IQCM: variants seen among roughly 807,000 people sequenced by gnomAD.
IQCM encodes the protein IQ domain-containing protein M.
A neutral mutation model predicts 57.6 loss-of-function variants in IQCM; 45 were observed. That is an observed-to-expected ratio of 0.78 (90% CI 0.62 to 1.00). The LOEUF (loss-of-function observed/expected upper bound fraction) is 1.00. IQCM is among the 50% of genes least tolerant of loss of function. The probability of loss-of-function intolerance (pLI) is 0.00; values close to 1 mark genes in which losing one functional copy is unlikely to be tolerated. For synonymous variants in IQCM, 148 were observed against 158.9 expected (o/e 0.93, Z 0.51); for missense variants, 468 against 511.6 (o/e 0.91, Z 0.82).
At chr4:149,523,408 A>C (rs561440193) in intron 12 of IQCM, among the ~76,000 whole-genome samples, 1 of 152,368 alleles carries the variant, frequency 6.6e-6, no homozygotes, top group Non-Finnish European at 1.5e-5. Context: ...TCAGGTTGTC[A>C]GGAGAAAGGA....
chr4:149,774,181 C>T (rs1488946558), intron 2 of IQCM, among the ~76,000 whole-genome samples: 1 of 151,754 alleles, frequency 6.6e-6, no homozygotes, highest in Non-Finnish European at 1.5e-5. Flanking sequence ...ACTACATTGA[C>T]CAGGTAAAAA....
At chr4:149,625,062 T>C (rs925859010) in intron 7 of IQCM, among the ~76,000 whole-genome samples, 10 of 152,202 alleles carry the variant, frequency 6.6e-5, no homozygotes, top group African/African-American at 1.2e-4. Flanking sequence ...CAGTTCCTAG[T>C]TTGATTATCT....
At chr4:149,804,997 AG>A (rs1385343347) in intron 2 of IQCM, among the ~76,000 whole-genome samples, 1 of 152,066 alleles carries the variant, frequency 6.6e-6, no homozygotes, top group Non-Finnish European at 1.5e-5. Context: ...TGATGGGAGA[AG>A]TATTCACATT....
chr4:149,675,141 T>A (rs1761642833), intron 7 of IQCM, among the ~76,000 whole-genome samples: 1 of 151,974 alleles, frequency 6.6e-6, no homozygotes, highest in African/African-American at 2.4e-5. Context: ...AAATATGATA[T>A]CTATCCAAGA....
chr4:149,641,224 G>C (rs1483593476), intron 7 of IQCM, among the ~76,000 whole-genome samples: 1 of 152,016 alleles, frequency 6.6e-6, no homozygotes, highest in Non-Finnish European at 1.5e-5. Context: ...TAACAAAAAG[G>C]TAAAACAATT....
chr4:149,748,944 G>A (rs1237428299), intron 2 of IQCM, among the ~76,000 whole-genome samples: 1 of 152,040 alleles, frequency 6.6e-6, no homozygotes, highest in Admixed American at 6.6e-5. Context: ...TATAAAAATA[G>A]GCAACAAAAT....
intron 3 of IQCM, chr4:149,737,814 A>G (rs1255610941): frequency 6.6e-6 from 1 of 152,184 alleles, no homozygotes; most frequent in Non-Finnish European, 1.5e-5. Flanking sequence ...CCAGCAAGCT[A>G]TTCCTAGGTG....
intron 12 of IQCM, among the ~76,000 whole-genome samples, chr4:149,465,129 A>G (rs1258474226): frequency 6.6e-6 from 1 of 152,224 alleles, no homozygotes; most frequent in African/African-American, 2.4e-5. Context: ...GTCAAGAAAA[A>G]TGATATTTAG....
At chr4:149,442,217 A>G (rs1736011969) in intron 12 of IQCM, among the ~76,000 whole-genome samples, 1 of 152,098 alleles carries the variant, frequency 6.6e-6, no homozygotes, top group Non-Finnish European at 1.5e-5. Context: ...CTGAGGTATC[A>G]GCAAAAGGTT....
At chr4:149,700,898 T>A (rs1763717254) in intron 5 of IQCM, among the ~76,000 whole-genome samples, 1 of 152,028 alleles carries the variant, frequency 6.6e-6, no homozygotes, top group Non-Finnish European at 1.5e-5. Context: ...AAAAGAAACA[T>A]AAAATCATCG....
intron 7 of IQCM, among the ~76,000 whole-genome samples, chr4:149,661,392 C>T (rs1422845317): frequency 6.6e-6 from 1 of 152,062 alleles, no homozygotes; most frequent in Non-Finnish European, 1.5e-5. Flanking sequence ...CATCTATGTT[C>T]GTCAAGGATA....
chr4:149,588,148 A>G (rs747433114), intron 8 of IQCM, among the ~76,000 whole-genome samples, 151 bp from the exon 9 acceptor site: 4 of 151,810 alleles, frequency 2.6e-5, no homozygotes, highest in Non-Finnish European at 4.4e-5. Flanking sequence ...ATTTTTTAGT[A>G]TACTCAGAGG....
chr4:149,560,129 C>T (rs1195384995), intron 10 of IQCM, among the ~76,000 whole-genome samples: 3 of 152,292 alleles, frequency 2.0e-5, no homozygotes, highest in South Asian at 4.1e-4. Flanking sequence ...GTCCTATAGG[C>T]TTCATGAATA....
At chr4:149,367,984 T>G (rs1165945760) in intron 13 of IQCM, among the ~76,000 whole-genome samples, 1 of 152,050 alleles carries the variant, frequency 6.6e-6, no homozygotes, top group Non-Finnish European at 1.5e-5. Flanking sequence ...TGCTATTAGA[T>G]TGTGTCCTTG....
intron 13 of IQCM, among the ~76,000 whole-genome samples, chr4:149,395,866 C>T (rs886889609): frequency 6.6e-6 from 1 of 151,910 alleles, no homozygotes; most frequent in African/African-American, 2.4e-5. Context: ...TATGTTATTT[C>T]TTCAGCTTTC....
chr4:149,553,196 G>C lies in IQCM; in HGVS notation c.1040C>G (p.Thr347Arg). Residue 347 changes from threonine (T) to arginine (R), a missense_variant, in exon 11 of 14, where the codon ACA (threonine) becomes AGA (arginine). Transcript: ENST00000636793. ...RVRYRRGLWRTRQILNLAELE... is the reference protein window; with the variant it reads ...RVRYRRGLWRRRQILNLAELE... ...CTCTGCTAAGTTGAGAATTTGTCTTGTCCTCCAAAGACCACGTCGATATCT... is the reference window on the plus strand; with the variant it reads ...CTCTGCTAAGTTGAGAATTTGTCTTCTCCTCCAAAGACCACGTCGATATCT... The C allele has an allele frequency of 8.1e-7, 1 of 1,231,862 alleles. No homozygotes were observed. Among genetic ancestry groups the C allele is most frequent in the Non-Finnish European group, 1.0e-6 (1 of 987,848 alleles). 76.3% of individuals were successfully genotyped at this position (1,231,862 alleles called of 1,614,324 possible).
At chr4:149,787,867 A>G (rs1772212122) in intron 2 of IQCM, among the ~76,000 whole-genome samples, 1 of 152,212 alleles carries the variant, frequency 6.6e-6, no homozygotes, top group Admixed American at 6.5e-5. Context: ...TCTGCACAGC[A>G]AAGGAAGCAA....
At chr4:149,765,572 A>C (rs1160367704) in intron 2 of IQCM, among the ~76,000 whole-genome samples, 1 of 151,840 alleles carries the variant, frequency 6.6e-6, no homozygotes, top group African/African-American at 2.4e-5. Context: ...CTGGTTGGGG[A>C]CTGAAAACTG....
chr4:149,388,990 A>C (rs969880780), intron 13 of IQCM, among the ~76,000 whole-genome samples: 5 of 151,524 alleles, frequency 3.3e-5, no homozygotes, highest in East Asian at 2.0e-4. Context: ...AATTTTAGTG[A>C]AGTACAACTT....
Sources: allele counts gnomAD v4.1 joint callset (sites outside exome capture counted in the v4.1 genomes callset), GRCh38; gene constraint gnomAD v4.1.1; transcripts MANE v1.5; gene names NCBI Gene and HGNC (gene_info 2026-07-23, HGNC 2026-07-21).